The following ARHGAP28 variants were observed in gnomAD, a reference collection of about 807,000 sequenced individuals.
ARHGAP28 encodes rho GTPase-activating protein 28.
In ARHGAP28, 56 loss-of-function variants were observed where a neutral mutation model predicts 90.7. That is an observed-to-expected ratio of 0.62 (90% CI 0.50 to 0.77). ARHGAP28 has a LOEUF of 0.77. ARHGAP28 is among the 30% of genes least tolerant of loss of function. ARHGAP28 has a pLI of 0.00. For missense variants in ARHGAP28, 869 were observed against 900.9 expected, an observed-to-expected ratio of 0.96 and a Z score of 0.45; for synonymous variants, 308 against 323.3, an observed-to-expected ratio of 0.95 and a Z score of 0.51.
intron 10 of ARHGAP28, among the ~76,000 whole-genome samples, chr18:6,881,615 G>A (rs73386336): frequency 0.016 from 2,393 of 152,266 alleles, 58 homozygotes; most frequent in African/African-American, 0.055. Context: ...ATAAAACTTC[G>A]CTGTCACTGC....
intron 1 of ARHGAP28, among the ~76,000 whole-genome samples, chr18:6,766,969 T>G (rs931251062): frequency 2.0e-5 from 3 of 152,224 alleles, no homozygotes; most frequent in African/African-American, 7.2e-5. Flanking sequence ...AGACAGCATA[T>G]ATGCTTGGGT....
chr18:6,890,788 A>T (rs966632147), intron 14 of ARHGAP28, among the ~76,000 whole-genome samples: 2 of 152,206 alleles, frequency 1.3e-5, no homozygotes, highest in African/African-American at 2.4e-5. Flanking sequence ...AGATTGTTTG[A>T]TATCCCACCA....
At chr18:6,908,150 A>G (rs2057374344) in intron 16 of ARHGAP28, among the ~76,000 whole-genome samples, 1 of 150,972 alleles carries the variant, frequency 6.6e-6, no homozygotes, top group Non-Finnish European at 1.5e-5. Context: ...ATTTTATTTT[A>G]TTTTCGAGAT....
rs372099387 is a variant in ARHGAP28 at position 6,868,161 on chromosome 18, G to C, written c.738G>C (p.Glu246Asp). ...VPRSDSVAILETIPVLPVHSN... is the reference protein window; with the variant it reads ...VPRSDSVAILDTIPVLPVHSN... ...CCTTTGCTTGGCAGGCTATACTTGA[G>C]ACCATTCCAGTTCTACCAGTTCATT... The change falls in exon 6 of 18, where the codon GAG becomes GAC. Residue 246 changes from glutamate (E) to aspartate (D), a missense_variant. By Grantham distance (45) the Glu-to-Asp change is conservative. Transcript: ENST00000383472. The C allele has an allele frequency of 1.2e-5, 19 of 1,613,884 alleles. No individual in the cohort carries two copies. Among genetic ancestry groups the C allele is most frequent in the Non-Finnish European group, 1.5e-5 (18 of 1,179,914 alleles).
chr18:6,837,336 C>T lies in ARHGAP28; in HGVS notation c.465C>T (p.Thr155=). The T allele has an allele frequency of 6.2e-7, 1 of 1,613,884 alleles. No individual in the cohort carries two copies. Among genetic ancestry groups the T allele is most frequent in the Non-Finnish European group, 8.5e-7 (1 of 1,180,002 alleles). Residue 155 remains threonine, a synonymous_variant, in exon 3 of 18, where the codon ACC becomes ACT. Transcript: ENST00000383472. ...CTGCCGTGCAAAAGAGATACCATAC[C>T]TATACCCAAACCATGAGGAAAAAGG... The part of the protein sequence containing the change: ...QAAAVQKRYH[T]YTQTMRKKDK...
At chr18:6,876,981 C>T (rs76435974) in intron 10 of ARHGAP28, among the ~76,000 whole-genome samples, 4 of 152,296 alleles carry the variant, frequency 2.6e-5, no homozygotes, top group Admixed American at 6.5e-5. Context: ...GTGGTTGGAT[C>T]ACTCCCTGTC....
intron 2 of ARHGAP28, among the ~76,000 whole-genome samples, chr18:6,829,509 AT>A (rs918280124): frequency 2.0e-5 from 3 of 152,156 alleles, no homozygotes; most frequent in Non-Finnish European, 2.9e-5. Flanking sequence ...TTATTTGCAG[AT>A]TTTTTTTCCT....
chr18:6,793,993 A>T (rs917955057), intron 1 of ARHGAP28, among the ~76,000 whole-genome samples: 14 of 152,206 alleles, frequency 9.2e-5, no homozygotes, highest in Admixed American at 9.2e-4. Flanking sequence ...GAAAAAAATA[A>T]AAATATTAGA....
chr18:6,785,572 A>C (rs1399345525), intron 1 of ARHGAP28, among the ~76,000 whole-genome samples: 3 of 152,222 alleles, frequency 2.0e-5, no homozygotes, highest in Non-Finnish European at 4.4e-5. Flanking sequence ...GCATCTGTGC[A>C]TACTTGCAGG....
chr18:6,880,316 T>C (rs1377296859), intron 10 of ARHGAP28, among the ~76,000 whole-genome samples: 2 of 152,144 alleles, frequency 1.3e-5, no homozygotes, highest in Non-Finnish European at 2.9e-5. Context: ...ATGCCTCCTC[T>C]CCTTTCTATC....
At chr18:6,890,201 C>T (rs1015677466) in intron 13 of ARHGAP28, 116 bp downstream of exon 13, 11 of 1,217,004 alleles carry the variant, frequency 9.0e-6, no homozygotes, top group Non-Finnish European at 1.3e-5. Flanking sequence ...GAAGATAACC[C>T]CAGGTGGCTG....
Position 6,772,666 on chromosome 18 carries a change from G to T in ARHGAP28, c.122+42723G>T, listed in dbSNP as rs142350761. 2.2e-3 allele frequency among the ~76,000 whole-genome samples: 331 copies of T among 152,240 alleles called. 1 individual carries two copies. Among genetic ancestry groups the T allele is most frequent in the African/African-American group, 7.8e-3 (323 of 41,540 alleles). ...GGTGAGCTGTGATGCTCTGTAGGTT[G>T]GGTTTATTCAATGCATTTTTGACTT... is the stretch of plus-strand genomic sequence containing the variant. On this transcript the variant is annotated intron_variant, in intron 1 of 17. Coordinates refer to ENST00000383472, the MANE Select transcript of ARHGAP28 (RefSeq NM_001366230.1).
chr18:6,835,895 T>C (rs2056749710), intron 2 of ARHGAP28, among the ~76,000 whole-genome samples: 2 of 152,194 alleles, frequency 1.3e-5, no homozygotes, highest in African/African-American at 2.4e-5. Context: ...CTAATCCTTT[T>C]GTTATTATTA....
In ARHGAP28 at chr18:6,873,679, T is replaced by TGAA. The variant is rs758145845; in HGVS notation, c.1121-2_1121dup. The TGAA allele has an allele frequency of 1.9e-6, 3 of 1,613,044 alleles. No homozygotes were observed. On this transcript the variant is annotated splice_polypyrimidine_tract_variant and splice_region_variant and intron_variant, in intron 8 of 17. Transcript: ENST00000383472. The stretch of plus-strand genomic sequence containing the variant: ...TTTTTCCCCCTTTACTGTCTCACAA[T>TGAA]GAAGACAATGGGATTTTTGGAGTTC...
chr18:6,767,401 A>G (rs906265063), intron 1 of ARHGAP28, among the ~76,000 whole-genome samples: 1 of 152,190 alleles, frequency 6.6e-6, no homozygotes, highest in Non-Finnish European at 1.5e-5. Flanking sequence ...ATATATTTGC[A>G]ATTCCCCACA....
chr18:6,818,056 T>C (rs1044316378), intron 1 of ARHGAP28, among the ~76,000 whole-genome samples: 12 of 152,224 alleles, frequency 7.9e-5, no homozygotes, highest in Non-Finnish European at 1.8e-4. Context: ...TAGCAATCAC[T>C]AACACACGGG....
intron 1 of ARHGAP28, among the ~76,000 whole-genome samples, chr18:6,806,091 AC>A (rs1311929743): frequency 1.3e-5 from 2 of 151,378 alleles, no homozygotes; most frequent in African/African-American, 4.9e-5. Context: ...GCGGAGTTTC[AC>A]CATGTTGCCC....
intron 3 of ARHGAP28, among the ~76,000 whole-genome samples, chr18:6,841,183 CTCTCTCTCTCTCTCTCTCTCCTCTCCT>C (rs2056815709): frequency 2.0e-5 from 1 of 49,698 alleles, no homozygotes; most frequent in East Asian, 8.2e-4. Context: ...TCTCTCTCCT[CTCTCTCTCTCTCTCTCTCTCCTCTCCT>C]CTCTCTCTCT....
intron 3 of ARHGAP28, chr18:6,850,811 C>A: frequency 6.5e-7 from 1 of 1,528,094 alleles, no homozygotes; most frequent in South Asian, 1.2e-5. Flanking sequence ...GCAGAGTTTG[C>A]TTCTGAGACG....
Sources: gnomAD v4.1 joint callset for allele counts (sites outside exome capture counted in the v4.1 genomes callset) on GRCh38, gnomAD v4.1.1 for gene constraint, MANE v1.5 for transcripts, NCBI Gene and HGNC (gene_info 2026-07-23, HGNC 2026-07-21) for gene names.